PLEKHH2: variants seen among roughly 807,000 people sequenced by gnomAD.
PLEKHH2 encodes the protein pleckstrin homology domain-containing family H member 2.
In PLEKHH2, 129 loss-of-function variants were observed where a neutral mutation model predicts 187.9. That is an observed-to-expected ratio of 0.69 (90% confidence interval 0.59 to 0.79). The LOEUF (loss-of-function observed/expected upper bound fraction) is 0.79, where lower values mean the gene tolerates loss of function less well. Among genes scored for constraint, PLEKHH2 ranks in the 30% least tolerant of loss-of-function variants. PLEKHH2 has a pLI of 0.00. For synonymous variants in PLEKHH2, 686 were observed against 605.6 expected (o/e 1.13, Z -1.95); for missense variants, 2,076 against 1,751.2 (o/e 1.19, Z -3.31).
At chr2:43,704,325 A>G (rs1669540819) in intron 9 of PLEKHH2, among the ~76,000 whole-genome samples, 1 of 152,164 alleles carries the variant, frequency 6.6e-6, no homozygotes, top group Admixed American at 6.5e-5. Flanking sequence ...CTGTTTTACA[A>G]CAGTGTGAAT....
Position 43,710,215 on chromosome 2 carries a change from A to G in PLEKHH2, c.2104-5A>G. On this transcript the variant is annotated splice_polypyrimidine_tract_variant and splice_region_variant and intron_variant, in intron 12 of 29. Transcript: ENST00000282406. ...AAATGCTTTTGTCTATCTTTTAAAA[A>G]TTAGGAACCACTGGAAAAATCTGGT... 6.2e-7 allele frequency: 1 copy of G among 1,613,410 alleles called. No individual in the cohort carries two copies. The highest frequency in any genetic ancestry group is 1.7e-5 in the Admixed American group (1 of 59,962).
At chr2:43,708,130 C>T (rs1304749560) in intron 11 of PLEKHH2, among the ~76,000 whole-genome samples, 2 of 152,150 alleles carry the variant, frequency 1.3e-5, no homozygotes, top group African/African-American at 4.8e-5. Flanking sequence ...TACTTCCAAT[C>T]CCCTCGGCTT....
intron 2 of PLEKHH2, among the ~76,000 whole-genome samples, chr2:43,653,010 A>G (rs1375006768): frequency 6.6e-6 from 1 of 152,200 alleles, no homozygotes; most frequent in African/African-American, 2.4e-5. Context: ...AGTTCCTGGG[A>G]TGTAAAGCAA....
intron 1 of PLEKHH2, among the ~76,000 whole-genome samples, chr2:43,643,854 A>C (rs577728867): frequency 1.3e-5 from 2 of 152,198 alleles, no homozygotes; most frequent in South Asian, 4.2e-4. Context: ...AAAATCAAGT[A>C]ACACTTCAAA....
chr2:43,645,729 T>G (rs1162663653), intron 2 of PLEKHH2, among the ~76,000 whole-genome samples: 1 of 152,158 alleles, frequency 6.6e-6, no homozygotes. Context: ...TTTTTAAACG[T>G]GTGTATTAGA....
At chr2:43,659,878 A>T (rs1004913799) in intron 2 of PLEKHH2, among the ~76,000 whole-genome samples, 26 of 152,032 alleles carry the variant, frequency 1.7e-4, no homozygotes, top group Admixed American at 2.0e-4. Context: ...CTTTTTAAAA[A>T]TTTTTTTTGG....
chr2:43,641,042 C>T (rs992634639), intron 1 of PLEKHH2, among the ~76,000 whole-genome samples: 3 of 151,582 alleles, frequency 2.0e-5, no homozygotes, highest in African/African-American at 7.3e-5. Flanking sequence ...GTCTAACCGC[C>T]TCGGCCTCCC....
intron 25 of PLEKHH2, among the ~76,000 whole-genome samples, chr2:43,754,205 C>CAAAAA (rs148172112): frequency 4.2e-5 from 6 of 143,078 alleles, no homozygotes; most frequent in South Asian, 2.2e-4. Flanking sequence ...CACACACACA[C>CAAAAA]AAAATTAATA....
chr2:43,743,347 T>C (rs1671652131), intron 22 of PLEKHH2, among the ~76,000 whole-genome samples: 1 of 152,190 alleles, frequency 6.6e-6, no homozygotes, highest in Non-Finnish European at 1.5e-5. Context: ...TGCTTATTAA[T>C]TGAAGCAAAC....
chr2:43,710,291 T>G lies in PLEKHH2; in HGVS notation c.2175T>G (p.Phe725Leu). 3 of 1,614,170 alleles carry G rather than the reference T, an allele frequency of 1.9e-6. No individual in the cohort carries two copies. The highest frequency in any genetic ancestry group is 2.5e-6 in the Non-Finnish European group (3 of 1,180,006). ...TCAAGTCTTGGAAGCGGCGGTGGTTTGTTCTTAAAGGTGGTGAATTACTTT... is the reference window on the plus strand; with the variant it reads ...TCAAGTCTTGGAAGCGGCGGTGGTTGGTTCTTAAAGGTGGTGAATTACTTT... ...GKVKSWKRRW[F>L]VLKGGELLYY... The change falls in exon 13 of 30, where the codon TTT (phenylalanine) becomes TTG (leucine). Residue 725 changes from phenylalanine to leucine, a missense_variant. Transcript: ENST00000282406.
intron 3 of PLEKHH2, chr2:43,681,335 C>T: frequency 9.4e-7 from 1 of 1,069,124 alleles, no homozygotes; most frequent in Non-Finnish European, 1.4e-6. Flanking sequence ...GTTCTCAGCT[C>T]CATTGGGGTC....
chr2:43,751,078 C>T (rs978493827), intron 24 of PLEKHH2, among the ~76,000 whole-genome samples: 3 of 152,274 alleles, frequency 2.0e-5, no homozygotes, highest in African/African-American at 2.4e-5. Context: ...GTATGTGAAA[C>T]GGAGGTCAAA....
At chr2:43,668,827 A>C (rs1323841327) in intron 2 of PLEKHH2, among the ~76,000 whole-genome samples, 1 of 152,108 alleles carries the variant, frequency 6.6e-6, no homozygotes, top group Non-Finnish European at 1.5e-5. Flanking sequence ...ACAATAATAA[A>C]ACAACTCTTC....
intron 2 of PLEKHH2, among the ~76,000 whole-genome samples, chr2:43,650,597 A>G (rs1010538616): frequency 2.0e-5 from 3 of 152,146 alleles, no homozygotes; most frequent in Admixed American, 2.0e-4. Flanking sequence ...TTATATTAAT[A>G]GAAACAAATA....
chr2:43,715,356 G>A (rs1444400064), intron 15 of PLEKHH2, among the ~76,000 whole-genome samples: 1 of 152,192 alleles, frequency 6.6e-6, no homozygotes, highest in African/African-American at 2.4e-5. Flanking sequence ...AAAAGCTAGA[G>A]GGGCCTATGG....
At chr2:43,711,178 A>G in intron 14 of PLEKHH2, 2 of 985,528 alleles carry the variant, frequency 2.0e-6, no homozygotes, top group Non-Finnish European at 2.4e-6. Flanking sequence ...AAAGTCAGAC[A>G]CTTTATTTCT....
At chr2:43,731,747 T>C (rs987668223) in intron 19 of PLEKHH2, 145 bp downstream of exon 19, 11 of 584,182 alleles carry the variant, frequency 1.9e-5, no homozygotes, top group Admixed American at 3.4e-5. Flanking sequence ...AAGAATATCA[T>C]TGAAATAAAA....
chr2:43,721,779 G>A (rs891635804), intron 16 of PLEKHH2, among the ~76,000 whole-genome samples: 1 of 152,122 alleles, frequency 6.6e-6, no homozygotes, highest in Non-Finnish European at 1.5e-5. Flanking sequence ...CCAACTACTA[G>A]GGAGATCAAG....
At chr2:43,741,408 G>A (rs1187148189) in intron 21 of PLEKHH2, 1 of 155,074 alleles carries the variant, frequency 6.4e-6, no homozygotes, top group Non-Finnish European at 1.4e-5. Context: ...ATTCTTTTAT[G>A]TGAAAAATTT....
Sources: allele counts gnomAD v4.1 joint callset (sites outside exome capture counted in the v4.1 genomes callset), GRCh38; gene constraint gnomAD v4.1.1; transcripts MANE v1.5; gene names NCBI Gene and HGNC (gene_info 2026-07-23, HGNC 2026-07-21).